The following SYNE1 variants were observed in gnomAD, a reference collection of about 807,000 sequenced individuals.
SYNE1 encodes the protein nesprin-1.
Under a neutral mutation model 1,111.0 loss-of-function variants are expected in SYNE1, and 616 were observed. That is an observed-to-expected ratio of 0.55 (90% CI 0.52 to 0.59). The LOEUF (loss-of-function observed/expected upper bound fraction) is 0.59, where lower values mean the gene tolerates loss of function less well. Among genes scored for constraint, SYNE1 ranks in the 20% least tolerant of loss-of-function variants. The probability of loss-of-function intolerance (pLI) is 0.00; values close to 1 mark genes in which losing one functional copy is unlikely to be tolerated. For missense variants in SYNE1, 10,006 were observed against 10,417.0 expected (o/e 0.96, Z 1.72); for synonymous variants, 3,855 against 3,825.8 (o/e 1.01, Z -0.28).
chr6:152,387,328 T>G lies in SYNE1; in HGVS notation c.8231A>C (p.Gln2744Pro), dbSNP rs761590173. 1 of 1,614,232 alleles carries G rather than the reference T, an allele frequency of 6.2e-7. No homozygotes were observed. Among genetic ancestry groups the G allele is most frequent in the South Asian group, 1.1e-5 (1 of 91,088 alleles). The change falls in exon 54 of 146, where the codon CAG becomes CCG. Residue 2744 changes from glutamine to proline, a missense_variant. By Grantham distance (76) the Gln-to-Pro change is moderately conservative (BLOSUM62 -1). Around this residue, in one of 7 missense-constraint regions of SYNE1, gnomAD observed 4,955 missense variants for 5,017.2 expected, o/e 0.99. Transcript: ENST00000367255. ...CACTGATTCCATCCACTGCTCCAACTGGTTTTTCCTCTCTACATAGTCATT... is the reference window on the plus strand; with the variant it reads ...CACTGATTCCATCCACTGCTCCAACGGGTTTTTCCTCTCTACATAGTCATT... The part of the protein sequence containing the change: ...QWNDYVERKN[Q>P]LEQWMESVDQ...
At chr6:152,592,715 A>G (rs1289483247) in intron 3 of SYNE1, among the ~76,000 whole-genome samples, 1 of 152,230 alleles carries the variant, frequency 6.6e-6, no homozygotes. Flanking sequence ...AAATAAAAGT[A>G]TAAAAGAAAA....
chr6:152,225,640 A>T, intron 116 of SYNE1, 81 bp downstream of exon 116: 1 of 1,531,314 alleles, frequency 6.5e-7, no homozygotes, highest in Non-Finnish European at 9.0e-7. Flanking sequence ...TTCCTCTGCT[A>T]CTTTAGGAAA....
intron 130 of SYNE1, among the ~76,000 whole-genome samples, chr6:152,172,563 A>AT (rs1382338349): frequency 6.6e-6 from 1 of 152,186 alleles, no homozygotes; most frequent in Non-Finnish European, 1.5e-5. Flanking sequence ...AATGTTACTA[A>AT]TTCGTTGTCT....
chr6:152,308,519 C>T lies in SYNE1; in HGVS notation c.17316G>A (p.Gln5772=). 6.2e-7 allele frequency: 1 copy of T among 1,613,994 alleles called. No homozygotes were observed. Among genetic ancestry groups the T allele is most frequent in the Non-Finnish European group, 8.5e-7 (1 of 1,179,994 alleles). The change falls in exon 91 of 146, where the codon CAG becomes CAA. Residue 5772 remains glutamine (Q), a synonymous_variant. Coordinates refer to ENST00000367255, the MANE Select transcript of SYNE1 (RefSeq NM_182961.4). The part of the protein sequence containing the change: ...EDKPVATSNI[Q]ELQAQISRHE... Reference sequence around the variant, plus strand: ...GCCGAGAAATCTGAGCCTGCAGCTCCTGTATGTTACTGGTGGCAACAGGTT... The same window carrying T: ...GCCGAGAAATCTGAGCCTGCAGCTCTTGTATGTTACTGGTGGCAACAGGTT...
chr6:152,383,406 C>A (rs2097461372), intron 55 of SYNE1, among the ~76,000 whole-genome samples: 1 of 152,206 alleles, frequency 6.6e-6, no homozygotes, highest in African/African-American at 2.4e-5. Context: ...TTCTCACCTT[C>A]CCTTGCTGTG....
intron 3 of SYNE1, among the ~76,000 whole-genome samples, chr6:152,610,145 T>C (rs562327478): frequency 1.3e-5 from 2 of 152,312 alleles, no homozygotes; most frequent in South Asian, 4.1e-4. Flanking sequence ...AGAGAATGAC[T>C]TTGGCAAGTT....
At position 152,160,039 on chromosome 6, in the gene SYNE1, A is replaced by C. The variant is rs942320516; in HGVS notation, c.23791-3942T>G. 3.3e-5 allele frequency among the ~76,000 whole-genome samples: 5 copies of C among 152,122 alleles called. No homozygotes were observed. In the South Asian group the frequency reaches 1.0e-3, roughly 32 times the overall value. ...TTTCTTTTTTTTTAGACAGAGTCTC[A>C]GTCTGTCGCCAAGCTAGAGTACAGT... On this transcript the variant is annotated intron_variant, in intron 131 of 145. Transcript: ENST00000367255.
intron 3 of SYNE1, among the ~76,000 whole-genome samples, chr6:152,597,972 T>C (rs1565090993): frequency 6.6e-6 from 1 of 152,174 alleles, no homozygotes; most frequent in Non-Finnish European, 1.5e-5. Flanking sequence ...TCAGTATCAC[T>C]GCATTGATGA....
intron 129 of SYNE1, among the ~76,000 whole-genome samples, chr6:152,178,905 CAA>C (rs2067155278): frequency 6.8e-6 from 1 of 146,166 alleles, no homozygotes; most frequent in African/African-American, 2.6e-5. Flanking sequence ...TGAAATCACC[CAA>C]TTCTTTTTTT....
chr6:152,634,556 T>C (rs1423093641), intron 2 of SYNE1, among the ~76,000 whole-genome samples: 1 of 152,254 alleles, frequency 6.6e-6, no homozygotes, highest in African/African-American at 2.4e-5. Context: ...TTTGAATTAA[T>C]GTAAGTATAT....
At chr6:152,336,619 T>A in intron 76 of SYNE1, 1 of 611,700 alleles carries the variant, frequency 1.6e-6, no homozygotes, top group Non-Finnish European at 2.9e-6. Context: ...AGTTCAGGCA[T>A]TAATGCTTGC....
In SYNE1 at chr6:152,424,564, TG is replaced by T. The variant is rs1196024113; in HGVS notation, c.5267+816del. 4.6e-5 allele frequency among the ~76,000 whole-genome samples: 7 copies of T among 152,216 alleles called. No homozygotes were observed. The East Asian group carries it at 1.2e-3, about 25-fold the overall frequency. ...TTCCCACACTAATCTGTCAATTATT[TG>T]GGGTTAGGTTTTGTTCATTTTTATG... On this transcript the variant is annotated intron_variant, in intron 39 of 145. Transcript: ENST00000367255.
intron 100 of SYNE1, among the ~76,000 whole-genome samples, chr6:152,266,645 T>C (rs2092725169): frequency 6.6e-6 from 1 of 152,206 alleles, no homozygotes; most frequent in Non-Finnish European, 1.5e-5. Context: ...TATTCATTCC[T>C]ATTCTTTTAC....
intron 3 of SYNE1, among the ~76,000 whole-genome samples, chr6:152,605,578 G>T (rs1290671723): frequency 5.9e-5 from 9 of 152,258 alleles, no homozygotes; most frequent in African/African-American, 1.7e-4. Flanking sequence ...AAGAAGAAAT[G>T]CATTAGAGCA....
In SYNE1 at chr6:152,331,695, G is replaced by A; in HGVS notation, c.12990C>T (p.Asp4330=). 1.2e-6 allele frequency: 2 copies of A among 1,614,172 alleles called. No homozygotes were observed. The highest frequency in any genetic ancestry group is 8.5e-7 in the Non-Finnish European group (1 of 1,180,026). Reference sequence around the variant, plus strand: ...ACACTTGGATTTTCCTTTTAATGAGGTCCTCAAGCTGAAACCAACGTTGCT... The same window carrying A: ...ACACTTGGATTTTCCTTTTAATGAGATCCTCAAGCTGAAACCAACGTTGCT... ...HLEQRWFQLE[D]LIKRKIQVSV... The change falls in exon 78 of 146, where the codon GAC becomes GAT. Residue 4330 remains aspartate, a synonymous_variant. Transcript: ENST00000367255.
intron 84 of SYNE1, 118 bp from the exon 85 acceptor site, chr6:152,319,133 G>T: frequency 7.2e-7 from 1 of 1,390,550 alleles, no homozygotes; most frequent in Non-Finnish European, 9.9e-7. Flanking sequence ...TGAAACACCT[G>T]GTCACACCAG....
intron 121 of SYNE1, among the ~76,000 whole-genome samples, chr6:152,216,669 G>T (rs1033200076): frequency 2.6e-5 from 4 of 152,170 alleles, no homozygotes; most frequent in African/African-American, 9.7e-5. Flanking sequence ...CCTAAGAGCA[G>T]TGGGAAACCT....
chr6:152,357,375 A>T (rs957497854), intron 66 of SYNE1, among the ~76,000 whole-genome samples: 1 of 152,120 alleles, frequency 6.6e-6, no homozygotes, highest in Non-Finnish European at 1.5e-5. Flanking sequence ...ATGGTCCCTG[A>T]TTTTCCCACC....
In SYNE1 at chr6:152,152,045, A is replaced by G. The variant is rs756023993; in HGVS notation, c.24226T>C (p.Cys8076Arg). ...TCGTGAACCATCTGTTTGAGGCTAC[A>G]TGCTGAATCAGTGCGGTTCTCCCTG... ...LARENRTDSA[C>R]SLKQMVHEGN... is the part of the protein sequence containing the mutation. Residue 8076 changes from cysteine to arginine, a missense_variant, in exon 134 of 146, where the codon TGT (cysteine) becomes CGT (arginine). Cys to Arg is a radical substitution (Grantham distance 180). Coordinates refer to ENST00000367255, the MANE Select transcript of SYNE1 (RefSeq NM_182961.4). 19 of 1,614,076 alleles carry G rather than the reference A, an allele frequency of 1.2e-5. No homozygotes were observed. Among genetic ancestry groups the G allele is most frequent in the Non-Finnish European group, 1.6e-5 (19 of 1,180,044 alleles).
Sources: gnomAD v4.1 joint callset for allele counts (sites outside exome capture counted in the v4.1 genomes callset) on GRCh38, gnomAD v4.1.1 for gene constraint, gnomAD v4.1.1 regional missense constraint, MANE v1.5 for transcripts, NCBI Gene and HGNC (gene_info 2026-07-23, HGNC 2026-07-21) for gene names.